The following GOLPH3 variants were observed in gnomAD, a reference collection of about 807,000 sequenced individuals.
GOLPH3 encodes golgi phosphoprotein 3, also known as coat protein GPP34.
GOLPH3 carries 14 observed loss-of-function variants against 28.5 expected under a neutral mutation model. The ratio of observed to expected loss-of-function variants is 0.49; its 90% CI spans 0.32 to 0.77. GOLPH3 has a LOEUF of 0.77. GOLPH3 is among the 30% of genes least tolerant of loss of function. The pLI, the probability that GOLPH3 is intolerant of heterozygous loss-of-function variation, is 0.03. For synonymous variants in GOLPH3, 158 were observed against 159.2 expected (o/e 0.99, Z 0.06); for missense variants, 350 against 393.7 (o/e 0.89, Z 0.94).
chr5:32,164,761 C>T (rs1746668904), intron 1 of GOLPH3, among the ~76,000 whole-genome samples: 1 of 151,960 alleles, frequency 6.6e-6, no homozygotes, highest in South Asian at 2.1e-4. Context: ...GACATTACCA[C>T]ACTGGGAATA....
intron 1 of GOLPH3, among the ~76,000 whole-genome samples, chr5:32,159,312 C>A (rs1225659065): frequency 6.6e-6 from 1 of 152,176 alleles, no homozygotes; most frequent in African/African-American, 2.4e-5. Context: ...TCACATATAC[C>A]TTATACACAT....
chr5:32,148,535 C>A (rs767244414), intron 1 of GOLPH3, among the ~76,000 whole-genome samples: 1 of 152,190 alleles, frequency 6.6e-6, no homozygotes, highest in Non-Finnish European at 1.5e-5. Flanking sequence ...TGGTGGCTCA[C>A]GCCTGTAATC....
chr5:32,154,277 G>A (rs950499533), intron 1 of GOLPH3, among the ~76,000 whole-genome samples: 1 of 152,120 alleles, frequency 6.6e-6, no homozygotes, highest in Non-Finnish European at 1.5e-5. Flanking sequence ...CCTTTTAAGT[G>A]CATAAAATGC....
chr5:32,147,517 T>C (rs554688353), intron 1 of GOLPH3, among the ~76,000 whole-genome samples: 1 of 152,074 alleles, frequency 6.6e-6, no homozygotes, highest in African/African-American at 2.4e-5. Flanking sequence ...TGTGTGTGTG[T>C]AGAGAGACAG....
chr5:32,163,978 TTACA>T (rs1445880324), intron 1 of GOLPH3, among the ~76,000 whole-genome samples: 27 of 152,302 alleles, frequency 1.8e-4, no homozygotes, highest in Admixed American at 3.3e-4. Context: ...TTAGCAACTT[TTACA>T]TACAGTTTCT....
chr5:32,159,405 A>G (rs771255991), intron 1 of GOLPH3, among the ~76,000 whole-genome samples: 1 of 152,204 alleles, frequency 6.6e-6, no homozygotes, highest in Non-Finnish European at 1.5e-5. Context: ...TCCACTTGTG[A>G]TATCATGTCA....
chr5:32,164,130 C>G (rs2111891808), intron 1 of GOLPH3, among the ~76,000 whole-genome samples: 1 of 152,298 alleles, frequency 6.6e-6, no homozygotes, highest in South Asian at 2.1e-4. Flanking sequence ...TGTTCCTCTT[C>G]CTACTGAACT....
intron 3 of GOLPH3, among the ~76,000 whole-genome samples, chr5:32,127,539 A>G (rs1418735104): frequency 1.3e-5 from 2 of 152,244 alleles, no homozygotes; most frequent in Non-Finnish European, 2.9e-5. Context: ...AGCTATTTAA[A>G]TTAATTTAAA....
At chr5:32,163,661 T>A (rs1392606617) in intron 1 of GOLPH3, among the ~76,000 whole-genome samples, 1 of 131,888 alleles carries the variant, frequency 7.6e-6, no homozygotes, top group African/African-American at 2.9e-5. Context: ...CAAAAATATA[T>A]ACATATATAT....
chr5:32,132,814 C>T, intron 3 of GOLPH3, among the ~76,000 whole-genome samples: 1 of 152,148 alleles, frequency 6.6e-6, no homozygotes, highest in Non-Finnish European at 1.5e-5. Context: ...TATCTTGATA[C>T]TTTCAATTAG....
At chr5:32,128,769 A>G (rs566618429) in intron 3 of GOLPH3, among the ~76,000 whole-genome samples, 3 of 152,034 alleles carry the variant, frequency 2.0e-5, no homozygotes, top group Non-Finnish European at 4.4e-5. Flanking sequence ...CATAAAATTC[A>G]TCACTTAACA....
In GOLPH3 at chr5:32,126,312, T is replaced by C; in HGVS notation, c.797A>G (p.Lys266Arg). The C allele has an allele frequency of 3.1e-6, 5 of 1,614,184 alleles. No homozygotes were observed. Among genetic ancestry groups the C allele is most frequent in the African/African-American group, 1.3e-5 (1 of 75,046 alleles). Residue 266 changes from lysine to arginine, a missense_variant, in exon 4 of 4, where the codon AAG becomes AGG. By Grantham distance (26) the Lys-to-Arg change is conservative. Coordinates refer to ENST00000265070, the MANE Select transcript of GOLPH3 (RefSeq NM_022130.4). Reference protein sequence around the residue: ...LLDEQYDLATKRVRQLLDLDP... With the variant: ...LLDEQYDLATRRVRQLLDLDP... The stretch of plus-strand genomic sequence containing the variant: ...TAAGTCGAGAAGCTGCCGCACTCTC[T>C]TGGTAGCCAAATCATACTGCTCGTC...
At chr5:32,135,105 C>A (rs142548692) in intron 3 of GOLPH3, among the ~76,000 whole-genome samples, 2,131 of 152,244 alleles carry the variant, frequency 0.014, 23 homozygotes, top group Non-Finnish European at 0.021. Flanking sequence ...ACTTAAGAGC[C>A]AGAGTGATGT....
chr5:32,143,073 G>A (rs916085595), intron 2 of GOLPH3, among the ~76,000 whole-genome samples: 3 of 152,202 alleles, frequency 2.0e-5, no homozygotes, highest in African/African-American at 4.8e-5. Flanking sequence ...GAAAGAGGTA[G>A]ACATGGGAGA....
chr5:32,152,032 G>C lies in GOLPH3; in HGVS notation c.226-8152C>G, dbSNP rs567782521. ...TGGAGAAGTTCTGGAGAGGGATAGT[G>C]GTGATGACGGCACAGTGTGAATCTA... On this transcript the variant is annotated intron_variant, in intron 1 of 3. Coordinates refer to ENST00000265070, the MANE Select transcript of GOLPH3 (RefSeq NM_022130.4). 2.0e-5 allele frequency among the ~76,000 whole-genome samples: 3 copies of C among 152,256 alleles called. No individual in the cohort carries two copies. In the South Asian group the frequency reaches 6.2e-4, roughly 32 times the overall value.
chr5:32,137,717 G>T (rs1475381690), intron 2 of GOLPH3, among the ~76,000 whole-genome samples: 1 of 152,090 alleles, frequency 6.6e-6, no homozygotes, highest in Non-Finnish European at 1.5e-5. Context: ...AAATCCAGAG[G>T]GAGAGATGGG....
At chr5:32,158,976 G>A (rs1310113940) in intron 1 of GOLPH3, among the ~76,000 whole-genome samples, 1 of 152,180 alleles carries the variant, frequency 6.6e-6, no homozygotes, top group Non-Finnish European at 1.5e-5. Context: ...TTGTAAAGTA[G>A]GTGCTATTCT....
At chr5:32,162,909 T>C (rs899154803) in intron 1 of GOLPH3, among the ~76,000 whole-genome samples, 1 of 152,120 alleles carries the variant, frequency 6.6e-6, no homozygotes, top group Non-Finnish European at 1.5e-5. Context: ...AAACCCCGTC[T>C]CTACCAAAAA....
intron 1 of GOLPH3, among the ~76,000 whole-genome samples, chr5:32,155,205 A>G (rs773665778): frequency 6.6e-6 from 1 of 152,086 alleles, no homozygotes; most frequent in Non-Finnish European, 1.5e-5. Context: ...GTTTTTTTAA[A>G]GACAGGGTTT....
Sources: gnomAD v4.1 joint callset for allele counts (sites outside exome capture counted in the v4.1 genomes callset) on GRCh38, gnomAD v4.1.1 for gene constraint, MANE v1.5 for transcripts, NCBI Gene and HGNC (gene_info 2026-07-23, HGNC 2026-07-21) for gene names.